HABP4: variants seen among roughly 807,000 people sequenced by gnomAD.
HABP4 encodes hyaluronan binding protein 4.
A neutral mutation model predicts 44.1 loss-of-function variants in HABP4; 32 were observed. The ratio of observed to expected loss-of-function variants is 0.73; its 90% CI spans 0.55 to 0.97. The LOEUF is 0.97. HABP4 is among the 50% of genes least tolerant of loss of function. The pLI is 0.00. For synonymous variants in HABP4, 216 were observed against 218.0 expected, an observed-to-expected ratio of 0.99 and a Z score of 0.08; for missense variants, 503 against 561.9, an observed-to-expected ratio of 0.90 and a Z score of 1.06.
chr9:96,460,714 G>T (rs1410859275), intron 2 of HABP4, among the ~76,000 whole-genome samples: 3 of 152,208 alleles, frequency 2.0e-5, no homozygotes, highest in East Asian at 3.8e-4. Context: ...ACATGTCCCA[G>T]ATTTTGAGTT....
chr9:96,452,585 T>A (rs1832304932), intron 1 of HABP4, among the ~76,000 whole-genome samples: 1 of 152,170 alleles, frequency 6.6e-6, no homozygotes, highest in South Asian at 2.1e-4. Flanking sequence ...GGTATTTAGT[T>A]GATTTTGTAG....
chr9:96,476,959 G>A (rs1247338497), intron 5 of HABP4, among the ~76,000 whole-genome samples: 1 of 152,242 alleles, frequency 6.6e-6, no homozygotes, highest in Non-Finnish European at 1.5e-5. Context: ...GAAGGAGGCT[G>A]TAACTTGTAA....
At chr9:96,453,294 T>A (rs1451946491) in intron 1 of HABP4, among the ~76,000 whole-genome samples, 3 of 152,082 alleles carry the variant, frequency 2.0e-5, no homozygotes, top group Non-Finnish European at 2.9e-5. Flanking sequence ...CAGGATGGTC[T>A]CGATCTCTTG....
chr9:96,488,142 T>C lies in HABP4; in HGVS notation c.1053T>C (p.Asn351=), dbSNP rs574821378. The part of the protein sequence containing the change: ...DDSHVFRKPA[N]DITSQLEINF... ...CCCATGTTTTCCGGAAACCCGCCAA[T>C]GACATCACATCCCAGCTGGAGATTA... Residue 351 remains asparagine (N), a synonymous_variant, in exon 7 of 8, where the codon AAT becomes AAC. Coordinates refer to ENST00000375249, the MANE Select transcript of HABP4 (RefSeq NM_014282.4). This position sits in a 1 kb window ranked among gnomAD's most constrained non-coding sequence, Gnocchi z 4.6. The C allele has an allele frequency of 1.1e-4, 183 of 1,613,548 alleles. 4 individuals are homozygous for C. The highest frequency in any genetic ancestry group is 9.0e-4 in the South Asian group (82 of 91,072).
At chr9:96,489,587 C>T (rs1297802529) in intron 7 of HABP4, among the ~76,000 whole-genome samples, 1 of 152,218 alleles carries the variant, frequency 6.6e-6, no homozygotes, top group East Asian at 1.9e-4. Flanking sequence ...CCCCTCCTTC[C>T]CAGGACGTGT....
intron 1 of HABP4, among the ~76,000 whole-genome samples, chr9:96,451,027 G>T (rs546976853): frequency 1.3e-5 from 2 of 152,234 alleles, no homozygotes; most frequent in African/African-American, 4.8e-5. Flanking sequence ...GGAGCCACCC[G>T]AGAGCGCGGT....
intron 6 of HABP4, among the ~76,000 whole-genome samples, chr9:96,485,775 T>G (rs7867323): frequency 0.23 from 35,282 of 152,044 alleles, 5,103 homozygotes; most frequent in African/African-American, 0.41. Context: ...CAGTCACTAT[T>G]TCGAGGTGGG....
chr9:96,458,251 TA>T, intron 1 of HABP4, 127 bp from the exon 2 acceptor site: 1 of 982,846 alleles, frequency 1.0e-6, no homozygotes, highest in Non-Finnish European at 1.6e-6. Flanking sequence ...TGAAGTTTTC[TA>T]AACTTCCTGA....
intron 5 of HABP4, among the ~76,000 whole-genome samples, chr9:96,480,130 A>G (rs1480243738): frequency 6.6e-6 from 1 of 152,138 alleles, no homozygotes; most frequent in Admixed American, 6.5e-5. Flanking sequence ...AGCAGAGATC[A>G]TACCACCGCA....
chr9:96,460,538 A>G (rs1832483254), intron 2 of HABP4, among the ~76,000 whole-genome samples: 1 of 152,222 alleles, frequency 6.6e-6, no homozygotes, highest in African/African-American at 2.4e-5. Flanking sequence ...AGATTTCACC[A>G]ATTGTCCCAG....
At chr9:96,481,629 C>T (rs886510629) in intron 5 of HABP4, among the ~76,000 whole-genome samples, 1 of 151,914 alleles carries the variant, frequency 6.6e-6, no homozygotes, top group Non-Finnish European at 1.5e-5. Flanking sequence ...CCTGTAGTCC[C>T]AGCTACTCTC....
rs763097419 is a variant in HABP4, at chr9:96,458,507, G to A, written c.478G>A (p.Ala160Thr). The change falls in exon 2 of 8, where the codon GCA (alanine) becomes ACA (threonine). Residue 160 changes from alanine (A) to threonine (T), a missense_variant. Transcript: ENST00000375249. ...CCGACCCTATGAGACAGAGAGGCAG[G>A]CAGACTTCACAGCTGAGAAGTTTCC... is the stretch of plus-strand genomic sequence containing the variant. ...EYRPYETERQ[A>T]DFTAEKFPDE... 6.8e-6 allele frequency: 11 copies of A among 1,613,540 alleles called. No individual in the cohort carries two copies. The highest frequency in any genetic ancestry group is 9.3e-6 in the Non-Finnish European group (11 of 1,179,444).
chr9:96,461,420 C>T (rs1389947961), intron 2 of HABP4, among the ~76,000 whole-genome samples: 4 of 151,888 alleles, frequency 2.6e-5, no homozygotes, highest in Non-Finnish European at 2.9e-5. Flanking sequence ...GACTAATCTC[C>T]TAATAGTCTG....
intron 5 of HABP4, among the ~76,000 whole-genome samples, chr9:96,482,058 C>T (rs1832890479): frequency 6.6e-6 from 1 of 151,928 alleles, no homozygotes. Context: ...GCCTCAGCCT[C>T]CTGAGTAGCT....
chr9:96,455,147 C>T (rs1832351920), intron 1 of HABP4, among the ~76,000 whole-genome samples: 1 of 151,888 alleles, frequency 6.6e-6, no homozygotes, highest in South Asian at 2.1e-4. Flanking sequence ...CTTGATATGT[C>T]TGCAATCAAA....
In HABP4 at chr9:96,484,379, T is replaced by G. The variant is rs542257859; in HGVS notation, c.828-83T>G. 8 of 649,510 alleles carry G rather than the reference T, an allele frequency of 1.2e-5. No homozygotes were observed. In the Admixed American group the frequency reaches 2.2e-4, roughly 17 times the overall value. The allele number at this position is 649,510 out of a possible 1,614,324, so 40.2% of individuals were successfully genotyped here. On this transcript the variant is annotated intron_variant, in intron 5 of 7. Transcript: ENST00000375249. ...GCAGTACCACAAAAATATGTTGAAT[T>G]AATGGTTATAACTTTTTCTTTATAA...
At chr9:96,480,457 A>T (rs1050505775) in intron 5 of HABP4, among the ~76,000 whole-genome samples, 1 of 152,150 alleles carries the variant, frequency 6.6e-6, no homozygotes, top group East Asian at 1.9e-4. Context: ...TTTGAGATCT[A>T]TATTTTGATA....
chr9:96,479,461 T>G (rs925357116), intron 5 of HABP4, among the ~76,000 whole-genome samples: 1 of 152,186 alleles, frequency 6.6e-6, no homozygotes, highest in Admixed American at 6.5e-5. Flanking sequence ...ATCTGTTTTA[T>G]AATTATGTAA....
At chr9:96,462,387 G>GT (rs1832516269) in intron 2 of HABP4, among the ~76,000 whole-genome samples, 1 of 152,086 alleles carries the variant, frequency 6.6e-6, no homozygotes, top group African/African-American at 2.4e-5. Flanking sequence ...GGAAGTGGAG[G>GT]TTGCAGTGAG....
Sources: gnomAD v4.1 joint callset for allele counts (sites outside exome capture counted in the v4.1 genomes callset) on GRCh38, gnomAD v4.1.1 for gene constraint, Gnocchi (gnomAD v3.1) non-coding constraint, MANE v1.5 for transcripts, NCBI Gene and HGNC (gene_info 2026-07-23, HGNC 2026-07-21) for gene names.